Variants in IL1RAPL2 observed in about 807,000 individuals in gnomAD.
The protein encoded by IL1RAPL2 is interleukin 1 receptor accessory protein like 2.
IL1RAPL2 carries 3 observed loss-of-function variants against 44.1 expected under a neutral mutation model. That is an observed-to-expected ratio of 0.07 (90% CI 0.03 to 0.18). The LOEUF (loss-of-function observed/expected upper bound fraction) is 0.18, where lower values mean the gene tolerates loss of function less well. Among genes scored for constraint, IL1RAPL2 ranks in the 10% least tolerant of loss-of-function variants. The pLI is 1.00. For synonymous variants in IL1RAPL2, 181 were observed against 178.8 expected (o/e 1.01, Z -0.10); for missense variants, 391 against 496.4 (o/e 0.79, Z 2.02).
At chrX:105,306,878 G>T (rs1329130729) in intron 5 of IL1RAPL2, among the ~76,000 whole-genome samples, 1 of 110,858 alleles carries the variant, frequency 9.0e-6, no homozygotes, top group Non-Finnish European at 1.9e-5. Context: ...CTGCTATAAA[G>T]AAATTTTTGA....
intron 2 of IL1RAPL2, among the ~76,000 whole-genome samples, chrX:104,668,325 ATTT>A (rs201774658): frequency 1.8e-5 from 2 of 108,670 alleles, no homozygotes; most frequent in African/African-American, 6.7e-5. Context: ...TTTTATTTTT[ATTT>A]TTTTATTATT....
intron 2 of IL1RAPL2, among the ~76,000 whole-genome samples, chrX:105,079,170 G>A (rs1392389976): frequency 8.9e-6 from 1 of 111,743 alleles, no homozygotes. Context: ...TCTTTATCCA[G>A]TCATGCTGGA....
chrX:105,711,250 G>A (rs1364046765), intron 6 of IL1RAPL2, among the ~76,000 whole-genome samples: 3 of 110,285 alleles, frequency 2.7e-5, no homozygotes, highest in Non-Finnish European at 3.8e-5. Flanking sequence ...TTGGCTCACA[G>A]TTCTGGAGAC....
At chrX:104,893,416 G>T (rs889732430) in intron 2 of IL1RAPL2, among the ~76,000 whole-genome samples, 24 of 111,241 alleles carry the variant, frequency 2.2e-4, no homozygotes, top group Non-Finnish European at 4.0e-4. Flanking sequence ...TATTGTGTGG[G>T]AGTCTAAGTC....
chrX:105,032,279 T>G (rs909735330), intron 2 of IL1RAPL2, among the ~76,000 whole-genome samples: 10 of 108,214 alleles, frequency 9.2e-5, no homozygotes, highest in African/African-American at 3.4e-4. Flanking sequence ...CTTTTGAATG[T>G]GTTTGCTCTT....
At chrX:105,089,144 A>G (rs2032512079) in intron 2 of IL1RAPL2, among the ~76,000 whole-genome samples, 1 of 111,283 alleles carries the variant, frequency 9.0e-6, no homozygotes, top group Admixed American at 9.6e-5. Context: ...TTTTTATTTA[A>G]GCAGATTACT....
intron 3 of IL1RAPL2, among the ~76,000 whole-genome samples, chrX:105,215,782 C>G (rs2033853063): frequency 9.0e-6 from 1 of 111,683 alleles, no homozygotes. Context: ...TCAGCTTTAT[C>G]CCTGGGATGC....
chrX:104,930,567 C>T (rs1035699841), intron 2 of IL1RAPL2, among the ~76,000 whole-genome samples: 1 of 111,663 alleles, frequency 9.0e-6, no homozygotes, highest in African/African-American at 3.3e-5. Flanking sequence ...GACGAGGAAG[C>T]AGAGAAAATC....
intron 6 of IL1RAPL2, among the ~76,000 whole-genome samples, chrX:105,613,284 G>T (rs2037349749): frequency 8.9e-6 from 1 of 111,741 alleles, no homozygotes; most frequent in African/African-American, 3.3e-5. Context: ...CCTATCACTG[G>T]CTGACTAAAA....
In IL1RAPL2 at chrX:104,627,160, T is replaced by C. The variant is rs760338554; in HGVS notation, c.-19-31735T>C. On this transcript the variant is annotated intron_variant, in intron 1 of 10. Coordinates refer to ENST00000372582, the MANE Select transcript of IL1RAPL2 (RefSeq NM_017416.2). ...AGTCGAGAACTGATTTTAATTTTATTGAGGGAAGCATTGGCTTGAATTTGT... is the reference window on the plus strand; with the variant it reads ...AGTCGAGAACTGATTTTAATTTTATCGAGGGAAGCATTGGCTTGAATTTGT... 4.6e-5 allele frequency among the ~76,000 whole-genome samples: 5 copies of C among 109,626 alleles called. No individual in the cohort carries two copies. In the East Asian group the frequency reaches 8.7e-4, roughly 19 times the overall value.
intron 2 of IL1RAPL2, among the ~76,000 whole-genome samples, chrX:105,045,604 G>T (rs988987044): frequency 8.9e-6 from 1 of 111,811 alleles, no homozygotes; most frequent in African/African-American, 3.3e-5. Flanking sequence ...TTGGAGTGCA[G>T]TGGTGTGATC....
intron 5 of IL1RAPL2, among the ~76,000 whole-genome samples, chrX:105,299,268 A>G (rs2147673490): frequency 8.9e-6 from 1 of 112,114 alleles, no homozygotes; most frequent in East Asian, 2.8e-4. Context: ...TCCTATAACC[A>G]TAATAGTTTT....
chrX:105,292,433 T>C (rs1049724764), intron 5 of IL1RAPL2, among the ~76,000 whole-genome samples: 1 of 112,067 alleles, frequency 8.9e-6, no homozygotes, highest in African/African-American at 3.2e-5. Flanking sequence ...CCACACTTTT[T>C]TGAAAAGGCT....
At chrX:105,291,393 A>G (rs745872135) in intron 5 of IL1RAPL2, among the ~76,000 whole-genome samples, 44 of 111,868 alleles carry the variant, frequency 3.9e-4, no homozygotes, top group African/African-American at 1.4e-3. Context: ...TTTTTAAGCA[A>G]TCATAATGGA....
chrX:104,983,765 AC>A, intron 2 of IL1RAPL2, among the ~76,000 whole-genome samples: 1 of 105,742 alleles, frequency 9.5e-6, no homozygotes, highest in Middle Eastern at 5.1e-3. Flanking sequence ...ACTGTGGAAT[AC>A]TTTTCCCCAG....
At chrX:105,233,080 C>G (rs1346789897) in intron 3 of IL1RAPL2, among the ~76,000 whole-genome samples, 4 of 111,676 alleles carry the variant, frequency 3.6e-5, no homozygotes, top group African/African-American at 6.5e-5. Flanking sequence ...TCAGCAGATC[C>G]AGACCATCCT....
intron 2 of IL1RAPL2, among the ~76,000 whole-genome samples, chrX:105,053,598 T>C (rs762443288): frequency 9.0e-5 from 10 of 111,686 alleles, no homozygotes; most frequent in South Asian, 3.8e-4. Context: ...CACACCCTGA[T>C]TGGTTGATAT....
At chrX:104,799,369 A>G (rs1052473972) in intron 2 of IL1RAPL2, among the ~76,000 whole-genome samples, 3 of 111,509 alleles carry the variant, frequency 2.7e-5, no homozygotes, top group Non-Finnish European at 5.6e-5. Context: ...ATGAGCATCA[A>G]TGTGTATCAG....
Position 105,521,624 on chromosome X carries a change from G to T in IL1RAPL2, c.772+37237G>T, listed in dbSNP as rs184337038. Among the ~76,000 whole-genome samples, 6 of 108,861 alleles carry T rather than the reference G, an allele frequency of 5.5e-5. No homozygotes were observed. The East Asian group carries it at 1.5e-3, about 26-fold the overall frequency. 94.5% of individuals were successfully genotyped at this position (108,861 alleles called of 115,157 possible). On this transcript the variant is annotated intron_variant, in intron 6 of 10. Coordinates refer to ENST00000372582, the MANE Select transcript of IL1RAPL2 (RefSeq NM_017416.2). Reference sequence around the variant, plus strand: ...CCTGGTGAGAGGTAATTGAATCATGGGGGCTTCCCCCTTTGTTTGGCACTT... The same window carrying T: ...CCTGGTGAGAGGTAATTGAATCATGTGGGCTTCCCCCTTTGTTTGGCACTT...
Sources: gnomAD v4.1 joint callset for allele counts (sites outside exome capture counted in the v4.1 genomes callset) on GRCh38, gnomAD v4.1.1 for gene constraint, MANE v1.5 for transcripts, NCBI Gene and HGNC (gene_info 2026-07-23, HGNC 2026-07-21) for gene names.